Variants in PDLIM5 observed in about 807,000 individuals in gnomAD.
PDLIM5 encodes the protein PDZ and LIM domain protein 5.
Under a neutral mutation model 64.2 loss-of-function variants are expected in PDLIM5, and 34 were observed. The ratio of observed to expected loss-of-function variants is 0.53; its 90% CI spans 0.40 to 0.71. The LOEUF (loss-of-function observed/expected upper bound fraction) is 0.71, where lower values mean the gene tolerates loss of function less well. PDLIM5 is among the 30% of genes least tolerant of loss of function. The probability of loss-of-function intolerance (pLI) is 0.00; values close to 1 mark genes in which losing one functional copy is unlikely to be tolerated. For missense variants in PDLIM5, 683 were observed against 733.6 expected (o/e 0.93, Z 0.80); for synonymous variants, 253 against 269.1 (o/e 0.94, Z 0.59).
intron 8 of PDLIM5, among the ~76,000 whole-genome samples, chr4:94,639,346 G>A (rs150235472): frequency 6.6e-6 from 1 of 152,298 alleles, no homozygotes; most frequent in Non-Finnish European, 1.5e-5. Context: ...CTTAAATGCT[G>A]TTGGGTCAGA....
In PDLIM5 at chr4:94,665,510, A is replaced by AT; in HGVS notation, c.*1443_*1444insT. ...AAAAAAAAAAAAAAAAAAAAAAGAG[A>AT]GAGAGAGAATAAATAGAAAAGAATG... On this transcript the variant is annotated 3_prime_UTR_variant, in exon 13 of 13. Coordinates refer to ENST00000317968, the MANE Select transcript of PDLIM5 (RefSeq NM_006457.5). The AT allele has an allele frequency of 4.8e-6, 3 of 630,894 alleles. No individual in the cohort carries two copies. Among genetic ancestry groups the AT allele is most frequent in the Non-Finnish European group, 5.6e-6 (3 of 532,210 alleles). 39.1% of individuals were successfully genotyped at this position (630,894 alleles called of 1,614,324 possible).
intron 5 of PDLIM5, chr4:94,584,908 T>A: frequency 1.1e-6 from 1 of 937,608 alleles, no homozygotes; most frequent in Non-Finnish European, 1.7e-6. Flanking sequence ...GTTGTTTTCT[T>A]TTTTTCTTAT....
At chr4:94,618,863 AG>A (rs1738996092) in intron 8 of PDLIM5, among the ~76,000 whole-genome samples, 2 of 152,208 alleles carry the variant, frequency 1.3e-5, no homozygotes, top group South Asian at 4.1e-4. Flanking sequence ...TGTAAAAAAA[AG>A]TACCCCTTTT....
intron 3 of PDLIM5, among the ~76,000 whole-genome samples, chr4:94,563,390 G>T (rs1734008179): frequency 6.6e-6 from 1 of 152,150 alleles, no homozygotes; most frequent in Admixed American, 6.5e-5. Flanking sequence ...TGATTCTTAT[G>T]AATAACTCCA....
At chr4:94,490,067 GT>G (rs1172359165) in intron 2 of PDLIM5, among the ~76,000 whole-genome samples, 6 of 148,962 alleles carry the variant, frequency 4.0e-5, no homozygotes, top group Non-Finnish European at 7.5e-5. Flanking sequence ...GTTTTTGTGG[GT>G]TTTTTTTTGC....
intron 11 of PDLIM5, among the ~76,000 whole-genome samples, chr4:94,658,479 T>C (rs1250425106): frequency 1.3e-5 from 2 of 152,252 alleles, no homozygotes; most frequent in Non-Finnish European, 2.9e-5. Flanking sequence ...TATACATGTT[T>C]CAAAATACAA....
intron 2 of PDLIM5, among the ~76,000 whole-genome samples, chr4:94,517,883 T>C (rs1163401552): frequency 5.3e-5 from 8 of 152,326 alleles, no homozygotes; most frequent in Non-Finnish European, 4.4e-5. Flanking sequence ...TCAGCATAAA[T>C]TGTTCTATTT....
At chr4:94,495,015 G>A (rs1334225436) in intron 2 of PDLIM5, among the ~76,000 whole-genome samples, 2 of 152,000 alleles carry the variant, frequency 1.3e-5, no homozygotes, top group Non-Finnish European at 2.9e-5. Context: ...AAAATGTTAG[G>A]ATTACAGGCG....
intron 2 of PDLIM5, among the ~76,000 whole-genome samples, chr4:94,509,513 C>T (rs1315819000): frequency 6.6e-6 from 1 of 152,088 alleles, no homozygotes; most frequent in Non-Finnish European, 1.5e-5. Flanking sequence ...AGATACTTAG[C>T]AAGTATTTGT....
At chr4:94,662,662 T>C in intron 12 of PDLIM5, 125 bp downstream of exon 12, 1 of 477,324 alleles carries the variant, frequency 2.1e-6, no homozygotes, top group Non-Finnish European at 3.8e-6. Flanking sequence ...TTATTTTTAA[T>C]TTTTTGTAAA....
At chr4:94,466,726 C>T (rs6835988) in intron 2 of PDLIM5, among the ~76,000 whole-genome samples, 1,792 of 152,272 alleles carry the variant, frequency 0.012, 40 homozygotes, top group African/African-American at 0.041. Context: ...TTTCAGAGTT[C>T]AGTCACCATA....
At chr4:94,550,341 C>G (rs906414407) in intron 3 of PDLIM5, among the ~76,000 whole-genome samples, 1 of 152,092 alleles carries the variant, frequency 6.6e-6, no homozygotes, top group African/African-American at 2.4e-5. Context: ...AGAAATCTTT[C>G]AATTACTTCC....
chr4:94,651,523 A>G (rs1451790101), intron 9 of PDLIM5, among the ~76,000 whole-genome samples: 1 of 152,230 alleles, frequency 6.6e-6, no homozygotes, highest in Non-Finnish European at 1.5e-5. Context: ...ATAAATTACA[A>G]AAGGGGAAAA....
At chr4:94,508,786 A>G (rs1728615981) in intron 2 of PDLIM5, among the ~76,000 whole-genome samples, 1 of 152,206 alleles carries the variant, frequency 6.6e-6, no homozygotes, top group East Asian at 1.9e-4. Flanking sequence ...ATTACTTTCA[A>G]TGGCAAAAAC....
intron 2 of PDLIM5, among the ~76,000 whole-genome samples, chr4:94,494,432 G>GTTTTTTT (rs61675663): frequency 2.0e-4 from 14 of 70,766 alleles, no homozygotes; most frequent in African/African-American, 2.2e-4. Flanking sequence ...TTTTTTTCTT[G>GTTTTTTT]TTTTTTTTTT....
At chr4:94,459,049 G>T (rs1362270836) in intron 2 of PDLIM5, among the ~76,000 whole-genome samples, 1 of 152,176 alleles carries the variant, frequency 6.6e-6, no homozygotes. Flanking sequence ...GGAATGTGAG[G>T]ATGGGTTTCA....
At chr4:94,582,760 TA>T in intron 5 of PDLIM5, 1 of 1,412,342 alleles carries the variant, frequency 7.1e-7, no homozygotes, top group Non-Finnish European at 1.0e-6. Flanking sequence ...ATTCACTTTG[TA>T]ATTGTCTCTG....
intron 2 of PDLIM5, among the ~76,000 whole-genome samples, chr4:94,473,025 A>G (rs1275240603): frequency 2.6e-5 from 4 of 152,196 alleles, no homozygotes; most frequent in Non-Finnish European, 4.4e-5. Flanking sequence ...ACAAAGAGGT[A>G]TAGGGAAAGA....
Position 94,573,560 on chromosome 4 carries a change from G to A in PDLIM5, c.291+167G>A, listed in dbSNP as rs964608070. On this transcript the variant is annotated intron_variant, in intron 4 of 12. Transcript: ENST00000317968. Reference sequence around the variant, plus strand: ...GAGATGAGTAGGGAAATGGAGATCAGCACATACCATTTGTAATTATACATG... The same window carrying A: ...GAGATGAGTAGGGAAATGGAGATCAACACATACCATTTGTAATTATACATG... 1.6e-4 allele frequency: 117 copies of A among 715,998 alleles called. No homozygotes were observed. The Middle Eastern group carries it at 1.7e-3, about 10-fold the overall frequency. The allele number at this position is 715,998 out of a possible 1,614,324, so 44.4% of individuals were successfully genotyped here.
Sources: allele counts gnomAD v4.1 joint callset (sites outside exome capture counted in the v4.1 genomes callset), GRCh38; gene constraint gnomAD v4.1.1; transcripts MANE v1.5; gene names NCBI Gene and HGNC (gene_info 2026-07-23, HGNC 2026-07-21).